The following JMJD1C variants were observed in gnomAD, a reference collection of about 807,000 sequenced individuals.
JMJD1C encodes the protein jumonji domain containing 1C.
JMJD1C carries 31 observed loss-of-function variants against 245.3 expected under a neutral mutation model. The observed-to-expected ratio is 0.13, with a 90% CI of 0.09 to 0.17. The LOEUF (loss-of-function observed/expected upper bound fraction) is 0.17, where lower values mean the gene tolerates loss of function less well. JMJD1C is among the 10% of genes least tolerant of loss of function. The pLI is 1.00. For synonymous variants in JMJD1C, 1,057 were observed against 1,017.4 expected, an observed-to-expected ratio of 1.04 and a Z score of -0.74; for missense variants, 2,691 against 3,000.2, an observed-to-expected ratio of 0.90 and a Z score of 2.41.
intron 2 of JMJD1C, among the ~76,000 whole-genome samples, chr10:63,321,061 C>T (rs1940794870): frequency 6.6e-6 from 1 of 152,164 alleles, no homozygotes; most frequent in Non-Finnish European, 1.5e-5. Flanking sequence ...GAATGAGGTT[C>T]CAGACTGGTG....
chr10:63,180,169 A>C (rs1274321156), intron 22 of JMJD1C, among the ~76,000 whole-genome samples: 6 of 151,996 alleles, frequency 3.9e-5, no homozygotes, highest in African/African-American at 1.4e-4. Flanking sequence ...CACCATGCCC[A>C]GCTAATTTTT....
chr10:63,519,120 G>C (rs890549343), intron 1 of JMJD1C, among the ~76,000 whole-genome samples: 3 of 152,152 alleles, frequency 2.0e-5, no homozygotes, highest in Non-Finnish European at 2.9e-5. Context: ...TGTGAAAAAA[G>C]GCACTGTTCC....
chr10:63,268,850 G>C (rs749446238), intron 2 of JMJD1C: 1 of 985,740 alleles, frequency 1.0e-6, no homozygotes, highest in East Asian at 1.1e-4. Flanking sequence ...CACTTGCAGC[G>C]GCGTCATTGT....
chr10:63,454,247 G>A (rs1207584363), intron 1 of JMJD1C, among the ~76,000 whole-genome samples: 2 of 144,058 alleles, frequency 1.4e-5, no homozygotes, highest in South Asian at 2.2e-4. Flanking sequence ...AGCTCTAAAA[G>A]GAGAAATTGA....
chr10:63,354,272 T>A (rs1944611587), intron 2 of JMJD1C, among the ~76,000 whole-genome samples: 1 of 152,244 alleles, frequency 6.6e-6, no homozygotes, highest in Admixed American at 6.5e-5. Flanking sequence ...AACTCTCTTA[T>A]CACTAAGAGA....
chr10:63,251,489 G>A (rs1220312157), intron 3 of JMJD1C, among the ~76,000 whole-genome samples: 1 of 152,156 alleles, frequency 6.6e-6, no homozygotes, highest in African/African-American at 2.4e-5. Flanking sequence ...GGTCTAGACA[G>A]CTAAGAATAC....
chr10:63,477,695 A>G lies in JMJD1C; in HGVS notation n.113+44043T>C, dbSNP rs1412727696. The stretch of plus-strand genomic sequence containing the variant: ...AAAACAGGAGGAAACATTTTGTGAC[A>G]CTGGGATAGGCAAAAATTTCTCACC... On this transcript the variant is annotated intron_variant and non_coding_transcript_variant, in intron 1 of 3. Transcript: ENST00000633035. 2.0e-5 allele frequency among the ~76,000 whole-genome samples: 3 copies of G among 152,236 alleles called. No individual in the cohort carries two copies. In the East Asian group the frequency reaches 5.8e-4, roughly 29 times the overall value.
At chr10:63,265,518 G>A (rs575041935) in intron 2 of JMJD1C, among the ~76,000 whole-genome samples, 1 of 152,300 alleles carries the variant, frequency 6.6e-6, no homozygotes, top group Admixed American at 6.5e-5. Flanking sequence ...AGGGTAGGAA[G>A]AGGAAGGAAA....
At chr10:63,171,897 T>A (rs1245622530) in intron 24 of JMJD1C, among the ~76,000 whole-genome samples, 1 of 152,242 alleles carries the variant, frequency 6.6e-6, no homozygotes, top group African/African-American at 2.4e-5. Flanking sequence ...ATAATGCATC[T>A]CAAATCCAGG....
At chr10:63,425,847 C>T (rs1950408173) in intron 1 of JMJD1C, among the ~76,000 whole-genome samples, 1 of 152,176 alleles carries the variant, frequency 6.6e-6, no homozygotes, top group Non-Finnish European at 1.5e-5. Context: ...TCTGCAAATA[C>T]ATTCCCCTCA....
At chr10:63,282,077 A>G (rs533977459) in intron 2 of JMJD1C, among the ~76,000 whole-genome samples, 1 of 152,294 alleles carries the variant, frequency 6.6e-6, no homozygotes, top group East Asian at 1.9e-4. Context: ...GTCCTCTTAG[A>G]AACTTGAATA....
chr10:63,305,657 T>TGTGTGC (rs1186626823), intron 2 of JMJD1C, among the ~76,000 whole-genome samples: 1 of 150,136 alleles, frequency 6.7e-6, no homozygotes, highest in African/African-American at 2.4e-5. Flanking sequence ...TGTGTGTGTG[T>TGTGTGC]GTGTGTGTGT....
At chr10:63,488,175 G>C (rs1954057796) in intron 1 of JMJD1C, among the ~76,000 whole-genome samples, 1 of 152,126 alleles carries the variant, frequency 6.6e-6, no homozygotes, top group South Asian at 2.1e-4. Context: ...AGTACACACA[G>C]CCTCAGTACT....
chr10:63,199,805 T>C (rs960776336), intron 11 of JMJD1C, among the ~76,000 whole-genome samples: 1 of 152,200 alleles, frequency 6.6e-6, no homozygotes, highest in Non-Finnish European at 1.5e-5. Flanking sequence ...GCATAGAGTA[T>C]TCAGCAGAGT....
chr10:63,346,654 GACCA>G (rs1230353188), intron 2 of JMJD1C, among the ~76,000 whole-genome samples: 1 of 152,006 alleles, frequency 6.6e-6, no homozygotes, highest in African/African-American at 2.4e-5. Flanking sequence ...AATTCTCTAA[GACCA>G]TGCAGCAGTA....
chr10:63,455,330 A>G (rs1187651879), intron 1 of JMJD1C, among the ~76,000 whole-genome samples: 1 of 152,182 alleles, frequency 6.6e-6, no homozygotes, highest in Non-Finnish European at 1.5e-5. Flanking sequence ...TGTTTCCTCC[A>G]CAATTCTGCA....
At chr10:63,220,777 T>A (rs763699785) in intron 3 of JMJD1C, among the ~76,000 whole-genome samples, 1 of 152,066 alleles carries the variant, frequency 6.6e-6, no homozygotes, top group Non-Finnish European at 1.5e-5. Flanking sequence ...CTGAGAAGAA[T>A]AACAAACCAG....
chr10:63,392,142 A>C (rs2134610354), intron 1 of JMJD1C, among the ~76,000 whole-genome samples: 2 of 152,314 alleles, frequency 1.3e-5, no homozygotes, highest in East Asian at 3.9e-4. Context: ...CCATTTTGAT[A>C]ATTGGTATGT....
intron 1 of JMJD1C, among the ~76,000 whole-genome samples, chr10:63,408,849 C>T (rs931211618): frequency 2.0e-5 from 3 of 151,686 alleles, no homozygotes; most frequent in African/African-American, 7.3e-5. Flanking sequence ...AATCAAGAGG[C>T]CTGGAGGGCC....
Sources: gnomAD v4.1 joint callset for allele counts (sites outside exome capture counted in the v4.1 genomes callset) on GRCh38, gnomAD v4.1.1 for gene constraint, MANE v1.5 for transcripts, NCBI Gene and HGNC (gene_info 2026-07-23, HGNC 2026-07-21) for gene names.